Variants in LCORL observed in about 807,000 individuals in gnomAD.
LCORL encodes the protein ligand dependent nuclear receptor corepressor like.
Under a neutral mutation model 141.8 loss-of-function variants are expected in LCORL, and 41 were observed. The observed-to-expected ratio is 0.29, with a 90% confidence interval of 0.23 to 0.38. LCORL has a LOEUF of 0.38. LCORL is among the 10% of genes least tolerant of loss of function. The pLI, the probability that LCORL is intolerant of heterozygous loss-of-function variation, is 1.00. For missense variants in LCORL, 1,759 were observed against 2,035.0 expected, an observed-to-expected ratio of 0.86 and a Z score of 2.61; for synonymous variants, 618 against 694.1, an observed-to-expected ratio of 0.89 and a Z score of 1.72.
At chr4:17,922,944 C>A (rs939783900) in intron 4 of LCORL, among the ~76,000 whole-genome samples, 2 of 152,180 alleles carry the variant, frequency 1.3e-5, no homozygotes, top group Admixed American at 1.3e-4. Context: ...ATTAATCGTG[C>A]ACTGCCTGAG....
At chr4:18,007,882 T>TG (rs544767214) in intron 1 of LCORL, among the ~76,000 whole-genome samples, 455 of 152,206 alleles carry the variant, frequency 3.0e-3, no homozygotes, top group Non-Finnish European at 5.1e-3. Flanking sequence ...TTATGTGCTA[T>TG]GCCAGAACAC....
At chr4:17,969,527 T>C (rs1394170847) in intron 2 of LCORL, among the ~76,000 whole-genome samples, 1 of 152,146 alleles carries the variant, frequency 6.6e-6, no homozygotes, top group Non-Finnish European at 1.5e-5. Context: ...AATATATTTT[T>C]CAAGAGAAAA....
At chr4:17,868,877 T>A (rs878953233) in intron 7 of LCORL, among the ~76,000 whole-genome samples, 1 of 152,090 alleles carries the variant, frequency 6.6e-6, no homozygotes, top group African/African-American at 2.4e-5. Flanking sequence ...AGTTGTTCTA[T>A]CCTATATTTC....
chr4:17,880,442 T>C (rs1040544876), intron 6 of LCORL: 80 of 925,814 alleles, frequency 8.6e-5, no homozygotes, highest in Non-Finnish European at 9.8e-5. Context: ...TTTTCCTGTT[T>C]GATTTATAAA....
At chr4:18,010,754 A>G (rs1723624828) in intron 1 of LCORL, among the ~76,000 whole-genome samples, 1 of 152,108 alleles carries the variant, frequency 6.6e-6, no homozygotes, top group African/African-American at 2.4e-5. Flanking sequence ...GCCCGGCCAT[A>G]ACATATTTTT....
chr4:17,868,806 A>G (rs1420773528), intron 7 of LCORL, among the ~76,000 whole-genome samples: 1 of 152,086 alleles, frequency 6.6e-6, no homozygotes, highest in Admixed American at 6.6e-5. Context: ...GAACTTGACT[A>G]TTACTAAATC....
intron 5 of LCORL, among the ~76,000 whole-genome samples, chr4:17,887,653 T>C (rs1413783079): frequency 6.6e-6 from 1 of 152,082 alleles, no homozygotes; most frequent in African/African-American, 2.4e-5. Flanking sequence ...AACAGGGCCA[T>C]TGGGCCATGG....
chr4:17,909,854 TTTTGA>T (rs1253097793), intron 4 of LCORL, among the ~76,000 whole-genome samples: 1 of 152,146 alleles, frequency 6.6e-6, no homozygotes, highest in African/African-American at 2.4e-5. Context: ...AAGGATTTTC[TTTTGA>T]TTTTTTATAT....
exon 7 of LCORL, chr4:17,877,419 G>C: frequency 8.1e-7 from 1 of 1,229,500 alleles, no homozygotes; most frequent in Non-Finnish European, 1.0e-6. Flanking sequence ...AATTACAGCA[G>C]TTTCACCTTT....
chr4:17,963,067 A>G lies in LCORL; in HGVS notation c.221-18T>C. 1 of 1,391,782 alleles carries G rather than the reference A, an allele frequency of 7.2e-7. No individual in the cohort carries two copies. Among genetic ancestry groups the G allele is most frequent in the Non-Finnish European group, 1.0e-6 (1 of 997,878 alleles). 86.2% of individuals were successfully genotyped at this position (1,391,782 alleles called of 1,614,324 possible). On this transcript the variant is annotated intron_variant, in intron 2 of 7. Coordinates refer to ENST00000635767, the Ensembl canonical transcript of LCORL. ...TTCACAGTCTTTAAAAGAGGGAAAA[A>G]ATTCATTAAATATACTAACTTTATT...
intron 1 of LCORL, among the ~76,000 whole-genome samples, chr4:18,019,428 A>C (rs1367713738): frequency 1.3e-5 from 2 of 152,246 alleles, no homozygotes; most frequent in African/African-American, 4.8e-5. Flanking sequence ...AAATATAGTT[A>C]GAAGCCAGGG....
intron 2 of LCORL, among the ~76,000 whole-genome samples, chr4:17,967,324 A>G (rs1348860478): frequency 6.6e-6 from 1 of 152,190 alleles, no homozygotes; most frequent in Non-Finnish European, 1.5e-5. Context: ...GTCTGATACT[A>G]TAATGATGGA....
chr4:18,004,382 A>G (rs1207227888), intron 1 of LCORL, among the ~76,000 whole-genome samples: 1 of 152,228 alleles, frequency 6.6e-6, no homozygotes, highest in Non-Finnish European at 1.5e-5. Context: ...CCTCACAGTC[A>G]TGGCAGAAGG....
intron 5 of LCORL, among the ~76,000 whole-genome samples, chr4:17,897,331 C>T (rs1362499541): frequency 7.1e-6 from 1 of 140,700 alleles, no homozygotes. Flanking sequence ...CTAAACTGTT[C>T]TCCACAGTGG....
At chr4:17,958,458 G>A (rs1713120817) in intron 4 of LCORL, among the ~76,000 whole-genome samples, 2 of 151,902 alleles carry the variant, frequency 1.3e-5, no homozygotes, top group Non-Finnish European at 2.9e-5. Flanking sequence ...ATAAGCCAGT[G>A]ACTTAAACAT....
At chr4:17,843,599 A>G in exon 8 of LCORL, 1 of 571,548 alleles carries the variant, frequency 1.7e-6, no homozygotes, top group Non-Finnish European at 3.0e-6. Context: ...ATCAGTTATT[A>G]TAGTCCAGAA....
intron 1 of LCORL, among the ~76,000 whole-genome samples, chr4:17,990,529 T>G: frequency 6.7e-6 from 1 of 148,724 alleles, no homozygotes; most frequent in Non-Finnish European, 1.5e-5. Context: ...GGTGGGAGGG[T>G]TGGTCTTGAG....
intron 1 of LCORL, among the ~76,000 whole-genome samples, chr4:18,010,745 C>T (rs1723620829): frequency 6.6e-6 from 1 of 152,100 alleles, no homozygotes; most frequent in African/African-American, 2.4e-5. Context: ...AGCCACCGGG[C>T]CCGGCCATAA....
intron 7 of LCORL, among the ~76,000 whole-genome samples, chr4:17,863,218 A>T (rs1004595857): frequency 1.3e-5 from 2 of 152,186 alleles, no homozygotes; most frequent in Non-Finnish European, 2.9e-5. Flanking sequence ...TGGGAGACTG[A>T]GGCAGGAGAA....
Sources: allele counts gnomAD v4.1 joint callset (sites outside exome capture counted in the v4.1 genomes callset), GRCh38; gene constraint gnomAD v4.1.1; transcripts MANE v1.5; gene names NCBI Gene and HGNC (gene_info 2026-07-23, HGNC 2026-07-21).